Variants in CNTN4 observed in about 807,000 individuals in gnomAD.
The protein encoded by CNTN4 is contactin 4.
Under a neutral mutation model 122.5 loss-of-function variants are expected in CNTN4, and 77 were observed. That is an observed-to-expected ratio of 0.63 (90% CI 0.52 to 0.76). The LOEUF is 0.76. Ranked by LOEUF, CNTN4 falls within the 30% of genes least tolerant of loss-of-function variation. The probability of loss-of-function intolerance (pLI) is 0.00; values close to 1 mark genes in which losing one functional copy is unlikely to be tolerated. For missense variants in CNTN4, 1,256 were observed against 1,259.1 expected, an observed-to-expected ratio of 1.00 and a Z score of 0.04; for synonymous variants, 512 against 447.0, an observed-to-expected ratio of 1.15 and a Z score of -1.83.
rs140503867 is a variant in CNTN4, at chr3:2,474,176, A to G, written c.-88-97240A>G. ...ATACCCTTTCTATGCTGTTCTTTTT[A>G]CATAGGGCTTCCCTTAGCACAGCAT... On this transcript the variant is annotated intron_variant, in intron 3 of 24. Coordinates refer to ENST00000418658, the MANE Select transcript of CNTN4 (RefSeq NM_175607.3). Among the ~76,000 whole-genome samples, 552 of 152,130 alleles carry G rather than the reference A, an allele frequency of 3.6e-3. 5 individuals are homozygous for G. The highest frequency in any genetic ancestry group is 0.012 in the African/African-American group (515 of 41,490).
chr3:2,902,121 C>G (rs1295210885), intron 11 of CNTN4, among the ~76,000 whole-genome samples: 1 of 152,150 alleles, frequency 6.6e-6, no homozygotes, highest in Non-Finnish European at 1.5e-5. Context: ...TCAGCTAACT[C>G]ACAACCCTGC....
At chr3:2,134,209 A>G (rs2034580062) in intron 2 of CNTN4, among the ~76,000 whole-genome samples, 1 of 152,146 alleles carries the variant, frequency 6.6e-6, no homozygotes, top group Admixed American at 6.5e-5. Flanking sequence ...TTGTCCTCCT[A>G]TTAAGGTTAT....
At chr3:2,697,178 T>C (rs1329816837) in intron 4 of CNTN4, among the ~76,000 whole-genome samples, 1 of 152,182 alleles carries the variant, frequency 6.6e-6, no homozygotes, top group Non-Finnish European at 1.5e-5. Flanking sequence ...AATAACTTTT[T>C]AGTGTAATTA....
intron 6 of CNTN4, among the ~76,000 whole-genome samples, chr3:2,811,596 G>A (rs1481356326): frequency 6.6e-6 from 1 of 151,090 alleles, no homozygotes; most frequent in East Asian, 2.0e-4. Flanking sequence ...GAGTAGCTGG[G>A]ACTACATATG....
At chr3:2,334,120 T>C (rs1487440301) in intron 2 of CNTN4, among the ~76,000 whole-genome samples, 4 of 152,174 alleles carry the variant, frequency 2.6e-5, no homozygotes, top group African/African-American at 7.2e-5. Context: ...GTATCATTAA[T>C]TGAATACCTG....
At chr3:2,562,567 T>C (rs2079002066) in intron 3 of CNTN4, among the ~76,000 whole-genome samples, 1 of 152,184 alleles carries the variant, frequency 6.6e-6, no homozygotes, top group African/African-American at 2.4e-5. Context: ...ATTTCATTCA[T>C]TTTCATTGTT....
chr3:2,309,979 T>A (rs1197002940), intron 2 of CNTN4, among the ~76,000 whole-genome samples: 3 of 152,186 alleles, frequency 2.0e-5, no homozygotes, highest in Non-Finnish European at 4.4e-5. Flanking sequence ...ATTAAATACT[T>A]TATGGTATGC....
intron 16 of CNTN4, 70 bp downstream of exon 16, chr3:3,031,045 G>C: frequency 6.3e-7 from 1 of 1,595,552 alleles, no homozygotes; most frequent in Non-Finnish European, 8.6e-7. Flanking sequence ...CAGAGTTCCA[G>C]AAACCTCAGT....
At chr3:2,326,533 T>C (rs2043472797) in intron 2 of CNTN4, among the ~76,000 whole-genome samples, 1 of 146,010 alleles carries the variant, frequency 6.8e-6, no homozygotes, top group African/African-American at 2.5e-5. Flanking sequence ...CACACAATCT[T>C]ACTGATTCTG....
chr3:2,904,396 A>T (rs1184089236), intron 12 of CNTN4, among the ~76,000 whole-genome samples: 1 of 152,212 alleles, frequency 6.6e-6, no homozygotes, highest in African/African-American at 2.4e-5. Flanking sequence ...TAAAAAAATA[A>T]AAAGAAAGAA....
intron 14 of CNTN4, among the ~76,000 whole-genome samples, chr3:3,007,284 G>A (rs1696752208): frequency 6.6e-6 from 1 of 152,200 alleles, no homozygotes; most frequent in Admixed American, 6.5e-5. Flanking sequence ...TCTGAAGGAT[G>A]GTGGTGTGAG....
chr3:2,573,590 AT>A (rs2079524520), intron 4 of CNTN4, among the ~76,000 whole-genome samples: 1 of 152,234 alleles, frequency 6.6e-6, no homozygotes, highest in Non-Finnish European at 1.5e-5. Context: ...ATTTAACCCA[AT>A]GTGCTAAGTA....
chr3:2,776,108 C>T (rs1248618883), intron 6 of CNTN4, among the ~76,000 whole-genome samples: 1 of 152,046 alleles, frequency 6.6e-6, no homozygotes, highest in Non-Finnish European at 1.5e-5. Context: ...AGGATGGCCA[C>T]CCAGAAGGAC....
At chr3:2,638,300 CT>C (rs1247485520) in intron 4 of CNTN4, among the ~76,000 whole-genome samples, 1 of 152,098 alleles carries the variant, frequency 6.6e-6, no homozygotes, top group Non-Finnish European at 1.5e-5. Context: ...CTTCAAACTC[CT>C]GGTTTCATGT....
intron 3 of CNTN4, among the ~76,000 whole-genome samples, chr3:2,346,961 T>A (rs977487882): frequency 6.6e-6 from 1 of 151,870 alleles, no homozygotes; most frequent in African/African-American, 2.4e-5. Flanking sequence ...TTCTTAAACA[T>A]ATTTGGACCA....
chr3:2,506,893 A>G (rs1440952142), intron 3 of CNTN4, among the ~76,000 whole-genome samples: 1 of 151,972 alleles, frequency 6.6e-6, no homozygotes, highest in African/African-American at 2.4e-5. Flanking sequence ...GTGAGGAGAG[A>G]GGGCCTTGAC....
chr3:2,596,936 A>G (rs2080797611), intron 4 of CNTN4, among the ~76,000 whole-genome samples: 1 of 152,186 alleles, frequency 6.6e-6, no homozygotes, highest in African/African-American at 2.4e-5. Flanking sequence ...ACAGTTAGAT[A>G]TTAAGTAAAA....
intron 2 of CNTN4, among the ~76,000 whole-genome samples, chr3:2,158,276 T>G (rs2035806860): frequency 6.6e-6 from 1 of 152,204 alleles, no homozygotes; most frequent in Non-Finnish European, 1.5e-5. Context: ...TTAGATATGT[T>G]TCTAAAAGTC....
intron 3 of CNTN4, among the ~76,000 whole-genome samples, chr3:2,533,169 A>T (rs1035794826): frequency 2.0e-5 from 3 of 150,958 alleles, no homozygotes; most frequent in Non-Finnish European, 2.9e-5. Flanking sequence ...GTTCTAGGGT[A>T]CATGTGCACA....
Sources: gnomAD v4.1 joint callset for allele counts (sites outside exome capture counted in the v4.1 genomes callset) on GRCh38, gnomAD v4.1.1 for gene constraint, MANE v1.5 for transcripts, NCBI Gene and HGNC (gene_info 2026-07-23, HGNC 2026-07-21) for gene names.